Variants in GNAQ observed in about 807,000 individuals in gnomAD.
GNAQ encodes guanine nucleotide-binding protein G(q) subunit alpha.
In GNAQ, 8 loss-of-function variants were observed where a neutral mutation model predicts 43.9. The observed-to-expected ratio is 0.18, with a 90% confidence interval of 0.11 to 0.33. GNAQ has a LOEUF of 0.33. Among genes scored for constraint, GNAQ ranks in the 10% least tolerant of loss-of-function variants. The pLI, the probability that GNAQ is intolerant of heterozygous loss-of-function variation, is 1.00. For missense variants in GNAQ, 158 were observed against 450.8 expected (o/e 0.35, Z 5.88); for synonymous variants, 155 against 170.7 (o/e 0.91, Z 0.71).
intron 3 of GNAQ, among the ~76,000 whole-genome samples, chr9:77,808,549 T>TA (rs1305972629): frequency 6.6e-6 from 1 of 152,004 alleles, no homozygotes; most frequent in Non-Finnish European, 1.5e-5. Flanking sequence ...TTTAGTAATT[T>TA]AATCATGTAG....
At chr9:77,816,253 T>C (rs367568202) in intron 2 of GNAQ, among the ~76,000 whole-genome samples, 1 of 152,144 alleles carries the variant, frequency 6.6e-6, no homozygotes, top group African/African-American at 2.4e-5. Flanking sequence ...GCTTCTCTAG[T>C]TCACTTTTAG....
rs1170050691 is a variant in GNAQ at position 77,717,679 on chromosome 9, A to G, written c.*3644T>C. 1 of 232,128 alleles carries G rather than the reference A, an allele frequency of 4.3e-6. No homozygotes were observed. Among genetic ancestry groups the G allele is most frequent in the Non-Finnish European group, 8.5e-6 (1 of 117,536 alleles). The allele number at this position is 232,128 out of a possible 1,614,324, so 14.4% of individuals were successfully genotyped here. On this transcript the variant is annotated 3_prime_UTR_variant, in exon 7 of 7. Transcript: ENST00000286548. ...GATAGTCTGAAGTACAAAAAAGTAA[A>G]TTGCCCTTTAGCTGAATTACCTTTT...
intron 1 of GNAQ, among the ~76,000 whole-genome samples, chr9:78,005,209 C>A (rs1377572712): frequency 1.3e-5 from 2 of 152,096 alleles, no homozygotes; most frequent in African/African-American, 4.8e-5. Context: ...CCACACCCAG[C>A]TAATTTTTGT....
chr9:78,001,305 G>A (rs1823641147), intron 1 of GNAQ, among the ~76,000 whole-genome samples: 1 of 152,116 alleles, frequency 6.6e-6, no homozygotes, highest in East Asian at 1.9e-4. Context: ...GGAGGCTGAG[G>A]TGGGAGGATT....
At chr9:77,987,109 C>CTT (rs1170541452) in intron 1 of GNAQ, among the ~76,000 whole-genome samples, 1 of 152,130 alleles carries the variant, frequency 6.6e-6, no homozygotes, top group Non-Finnish European at 1.5e-5. Flanking sequence ...CTTGTTCTTC[C>CTT]TTTTCTTTTC....
At chr9:77,759,365 C>A (rs1825953253) in intron 5 of GNAQ, among the ~76,000 whole-genome samples, 1 of 152,078 alleles carries the variant, frequency 6.6e-6, no homozygotes, top group South Asian at 2.1e-4. Flanking sequence ...AATCCAAAAT[C>A]TTTATGTTTC....
chr9:77,948,138 G>A (rs1363249287), intron 1 of GNAQ, among the ~76,000 whole-genome samples: 2 of 152,002 alleles, frequency 1.3e-5, no homozygotes, highest in Admixed American at 6.6e-5. Context: ...AATTCAAAAC[G>A]GCATAAATGT....
intron 3 of GNAQ, among the ~76,000 whole-genome samples, chr9:77,805,510 T>A (rs1053160021): frequency 2.0e-5 from 3 of 152,030 alleles, no homozygotes; most frequent in Non-Finnish European, 4.4e-5. Flanking sequence ...GTTCAAGCGA[T>A]TCTCCTGCCT....
chr9:77,736,495 A>G (rs1825578341), intron 5 of GNAQ, among the ~76,000 whole-genome samples: 1 of 152,206 alleles, frequency 6.6e-6, no homozygotes, highest in South Asian at 2.1e-4. Flanking sequence ...AAATTTGGCG[A>G]AGGTTTTAAT....
intron 1 of GNAQ, among the ~76,000 whole-genome samples, chr9:77,949,024 G>T (rs1822941085): frequency 6.6e-6 from 1 of 152,166 alleles, no homozygotes; most frequent in Admixed American, 6.5e-5. Flanking sequence ...ATGCCTCGAG[G>T]CCTGTGTTCA....
chr9:77,828,656 A>G (rs758379695), intron 2 of GNAQ, among the ~76,000 whole-genome samples: 10 of 152,224 alleles, frequency 6.6e-5, no homozygotes, highest in Non-Finnish European at 1.3e-4. Context: ...TGTTAGATCA[A>G]TAAATATTTC....
chr9:77,774,655 G>GTCTC (rs1377075998), intron 5 of GNAQ, among the ~76,000 whole-genome samples: 1 of 152,014 alleles, frequency 6.6e-6, no homozygotes. Flanking sequence ...TAGAGACAGG[G>GTCTC]TCTCACTCTG....
chr9:77,860,161 TGGCCCATGACCACCTGGGCATCTGCA>T (rs1448427684), intron 2 of GNAQ, among the ~76,000 whole-genome samples: 1 of 152,224 alleles, frequency 6.6e-6, no homozygotes, highest in East Asian at 1.9e-4. Flanking sequence ...CTTAGTAGCA[TGGCCCATGACCACCTGGGCATCTGCA>T]GGCGGCTGAG....
chr9:77,930,305 C>T (rs1829130738), intron 1 of GNAQ, among the ~76,000 whole-genome samples: 1 of 152,142 alleles, frequency 6.6e-6, no homozygotes, highest in Non-Finnish European at 1.5e-5. Context: ...CTTTTCTTGT[C>T]CATTTCTATT....
intron 5 of GNAQ, among the ~76,000 whole-genome samples, chr9:77,753,289 GCA>G (rs1024954609): frequency 1.3e-5 from 2 of 151,456 alleles, no homozygotes; most frequent in Admixed American, 1.3e-4. Context: ...GTGCGCACGC[GCA>G]CACACACACA....
At chr9:77,734,424 TAA>T (rs1825541105) in intron 5 of GNAQ, among the ~76,000 whole-genome samples, 1 of 152,140 alleles carries the variant, frequency 6.6e-6, no homozygotes, top group South Asian at 2.1e-4. Context: ...CCATAAAGTC[TAA>T]AATACATCCT....
intron 5 of GNAQ, among the ~76,000 whole-genome samples, chr9:77,742,366 A>T (rs538387502): frequency 6.6e-6 from 1 of 152,194 alleles, no homozygotes; most frequent in Admixed American, 6.5e-5. Flanking sequence ...GCATTTTTTG[A>T]CAAAAAGTAT....
At position 77,721,596 on chromosome 9, in the gene GNAQ, T is replaced by A. The variant is rs1316372297; in HGVS notation, c.890-83A>T. 3.7e-6 allele frequency: 3 copies of A among 819,790 alleles called. No homozygotes were observed. The African/African-American group carries it at 5.1e-5, about 14-fold the overall frequency. The allele number at this position is 819,790 out of a possible 1,614,324, so 50.8% of individuals were successfully genotyped here. ...CATCATTGGTTCAATAAATACTGTG[T>A]CATTGCTCATGAAGCCTACATCTGC... On this transcript the variant is annotated intron_variant, in intron 6 of 6. Coordinates refer to ENST00000286548, the MANE Select transcript of GNAQ (RefSeq NM_002072.5).
At chr9:77,760,899 A>AC (rs1334523002) in intron 5 of GNAQ, among the ~76,000 whole-genome samples, 1 of 135,232 alleles carries the variant, frequency 7.4e-6, no homozygotes, top group African/African-American at 2.8e-5. Flanking sequence ...CCCGGTCGCG[A>AC]CCCCGTCTGG....
Sources: allele counts gnomAD v4.1 joint callset (sites outside exome capture counted in the v4.1 genomes callset), GRCh38; gene constraint gnomAD v4.1.1; transcripts MANE v1.5; gene names NCBI Gene and HGNC (gene_info 2026-07-23, HGNC 2026-07-21).